FZR1: variants seen among roughly 807,000 people sequenced by gnomAD.
FZR1 encodes the protein fizzy-related protein homolog.
A neutral mutation model predicts 63.6 loss-of-function variants in FZR1; 11 were observed. The observed-to-expected ratio is 0.17, with a 90% CI of 0.11 to 0.29. FZR1 has a LOEUF of 0.29. Ranked by LOEUF, FZR1 falls within the 10% of genes least tolerant of loss-of-function variation. The probability of loss-of-function intolerance (pLI) is 1.00; values close to 1 mark genes in which losing one functional copy is unlikely to be tolerated. For missense variants in FZR1, 440 were observed against 687.5 expected (o/e 0.64, Z 4.03); for synonymous variants, 328 against 297.9 (o/e 1.10, Z -1.04).
rs1177883058 is a variant in FZR1, at chr19:3,532,014, G to A, written c.927G>A (p.Leu309=). 3 of 1,557,064 alleles carry A rather than the reference G, an allele frequency of 1.9e-6. No homozygotes were observed. Among genetic ancestry groups the A allele is most frequent in the South Asian group, 2.3e-5 (2 of 85,514 alleles). The stretch of plus-strand genomic sequence containing the variant: ...CGCCACTGCAGTCGGAGCGGCGGCT[G>A]CAGGGCCACCGGCAGGAGGTGTGCG... ...RTPPLQSERR[L]QGHRQEVCGL... is the part of the protein sequence containing the mutation. Residue 309 remains leucine (L), a synonymous_variant, in exon 10 of 14, where the codon CTG becomes CTA. Transcript: ENST00000441788.
intron 1 of FZR1, among the ~76,000 whole-genome samples, chr19:3,513,404 G>A (rs758857324): frequency 5.9e-5 from 9 of 152,132 alleles, no homozygotes; most frequent in African/African-American, 1.2e-4. Context: ...AGGACACTTC[G>A]CCTCCTGGGG....
intron 1 of FZR1, among the ~76,000 whole-genome samples, chr19:3,511,247 C>T (rs1358158765): frequency 6.6e-6 from 1 of 152,206 alleles, no homozygotes; most frequent in Non-Finnish European, 1.5e-5. Context: ...TGAGCAACCT[C>T]GGGTCTTTTA....
Position 3,516,195 on chromosome 19 carries a change from G to A in FZR1, c.-34-6761G>A, listed in dbSNP as rs534012464. Among the ~76,000 whole-genome samples the A allele has an allele frequency of 6.6e-6, 1 of 152,306 alleles. No homozygotes were observed. Among genetic ancestry groups the A allele is most frequent in the East Asian group, 1.9e-4 (1 of 5,186 alleles). Reference sequence around the variant, plus strand: ...AGTGCGTGTGGCTGTCTCTCCCCACGCCTGGGATGGTGAGGCCGAGTCCCC... The same window carrying A: ...AGTGCGTGTGGCTGTCTCTCCCCACACCTGGGATGGTGAGGCCGAGTCCCC... On this transcript the variant is annotated intron_variant, in intron 1 of 13. Transcript: ENST00000441788. The surrounding 1 kb of genome is among the most constrained non-coding windows in gnomAD (Gnocchi z 6.0).
In FZR1 at chr19:3,514,169, C is replaced by T. The variant is rs2083042379; in HGVS notation, c.-35+7695C>T. Among the ~76,000 whole-genome samples, 1 of 152,172 alleles carries T rather than the reference C, an allele frequency of 6.6e-6. No homozygotes were observed. Among genetic ancestry groups the T allele is most frequent in the Non-Finnish European group, 1.5e-5 (1 of 68,026 alleles). On this transcript the variant is annotated intron_variant, in intron 1 of 13. Transcript: ENST00000441788. The surrounding 1 kb of genome is among the most constrained non-coding windows in gnomAD (Gnocchi z 4.2). ...CACGCTTTGCGTCCCCACTCAGGGA[C>T]ACCTCAAAGTCGAGCCTGGAGACAA...
chr19:3,510,648 C>A (rs999365537), intron 1 of FZR1, among the ~76,000 whole-genome samples: 3 of 152,176 alleles, frequency 2.0e-5, no homozygotes, highest in Non-Finnish European at 4.4e-5. Flanking sequence ...CTGCTTTCAC[C>A]GGAGGGCTGA....
In FZR1 at chr19:3,524,118, C is replaced by T. The variant is rs533334153; in HGVS notation, c.69+1060C>T. Reference sequence around the variant, plus strand: ...AGAGAGAGAGGCATAAATACAGGGGCATCTGTGTGCACAGAGAGGATCTGG... The same window carrying T: ...AGAGAGAGAGGCATAAATACAGGGGTATCTGTGTGCACAGAGAGGATCTGG... On this transcript the variant is annotated intron_variant, in intron 2 of 13. Transcript: ENST00000441788. 8.5e-5 allele frequency among the ~76,000 whole-genome samples: 13 copies of T among 152,320 alleles called. No individual in the cohort carries two copies. The South Asian group carries it at 2.7e-3, about 32-fold the overall frequency.
In FZR1 at chr19:3,525,356, C is replaced by G. The variant is rs1156648545; in HGVS notation, c.70-512C>G. ...GAGCCTGCCCGTGGGCCTGGCATCTCCCGGAGGCTTCTGGCACAGAAATCC... is the reference window on the plus strand; with the variant it reads ...GAGCCTGCCCGTGGGCCTGGCATCTGCCGGAGGCTTCTGGCACAGAAATCC... On this transcript the variant is annotated intron_variant, in intron 2 of 13. Transcript: ENST00000441788. The surrounding 1 kb of genome is among the most constrained non-coding windows in gnomAD (Gnocchi z 4.2). 6.6e-6 allele frequency among the ~76,000 whole-genome samples: 1 copy of G among 152,146 alleles called. No individual in the cohort carries two copies. The highest frequency in any genetic ancestry group is 1.5e-5 in the Non-Finnish European group (1 of 67,996).
rs73920143 is a variant in FZR1, at chr19:3,530,953, T to G, written c.720+96T>G. On this transcript the variant is annotated intron_variant, in intron 8 of 13. Transcript: ENST00000441788. ...GACCCAGAGGGTCTAGTGCGTGGCC[T>G]GAGGTCGCCTGTGTCCAAGCATAGG... is the stretch of plus-strand genomic sequence containing the variant. 21,061 of 855,146 alleles carry G rather than the reference T, an allele frequency of 0.025. 2,833 individuals are homozygous for G. The African/African-American group carries it at 0.3, about 12-fold the overall frequency. The allele number at this position is 855,146 out of a possible 1,614,324, so 53.0% of individuals were successfully genotyped here.
At chr19:3,529,142 ATGGGAGAGCGGATGGGAGAGCGGT>A (rs1372311729) in intron 7 of FZR1, among the ~76,000 whole-genome samples, 115 of 85,738 alleles carry the variant, frequency 1.3e-3, no homozygotes, top group African/African-American at 4.1e-3. Context: ...GGGAGAGCGG[ATGGGAGAGCGGATGGGAGAGCGGT>A]TGGGAGAGCG....
At chr19:3,528,449 G>A (rs564520865) in intron 7 of FZR1, among the ~76,000 whole-genome samples, 7 of 152,346 alleles carry the variant, frequency 4.6e-5, no homozygotes, top group South Asian at 4.1e-4. Context: ...GTCCTCTCCC[G>A]GCAGCAGGAG....
Position 3,526,971 on chromosome 19 carries a change from G to A in FZR1, c.388-9G>A, listed in dbSNP as rs768054399. The A allele has an allele frequency of 3.0e-5, 48 of 1,605,278 alleles. No individual in the cohort carries two copies. The highest frequency in any genetic ancestry group is 1.6e-4 in the Middle Eastern group (1 of 6,068). On this transcript the variant is annotated splice_polypyrimidine_tract_variant and intron_variant, in intron 5 of 13. Coordinates refer to ENST00000441788, the MANE Select transcript of FZR1 (RefSeq NM_016263.4). The surrounding 1 kb of genome is among the most constrained non-coding windows in gnomAD (Gnocchi z 5.4). ...CGTGCGCTCAGCTGGCATGTCCCCC[G>A]CTCCACAGTATTCCCTTAGCACCAA...
Position 3,519,387 on chromosome 19 carries a change from G to T in FZR1, c.-34-3569G>T, listed in dbSNP as rs540823641. Among the ~76,000 whole-genome samples the T allele has an allele frequency of 2.4e-4, 36 of 152,350 alleles. 1 individual carries two copies. Among genetic ancestry groups the T allele is most frequent in the African/African-American group, 7.5e-4 (31 of 41,586 alleles). ...GGGCTTGTGAAGCCGCCAGTGCTGG[G>T]CGACCTGCATGGAGCCGACGGTGGT... On this transcript the variant is annotated intron_variant, in intron 1 of 13. Transcript: ENST00000441788.
At chr19:3,519,201 C>T (rs1042750710) in intron 1 of FZR1, among the ~76,000 whole-genome samples, 1 of 152,250 alleles carries the variant, frequency 6.6e-6, no homozygotes, top group African/African-American at 2.4e-5. Flanking sequence ...TCCACACCTG[C>T]CACCCTCTGA....
chr19:3,521,613 TG>T (rs1176812880), intron 1 of FZR1, among the ~76,000 whole-genome samples: 1 of 151,668 alleles, frequency 6.6e-6, no homozygotes, highest in African/African-American at 2.4e-5. Flanking sequence ...GCGCTCCTCC[TG>T]CCTCAGCCTC....
rs188350692 is a variant in FZR1, at chr19:3,525,279, C to T, written c.70-589C>T. ...GGCCCCCATTCCTGCCACTCCACCC[C>T]GTCCCGTGGCCCTGCCCTCACCACC... On this transcript the variant is annotated intron_variant, in intron 2 of 13. Transcript: ENST00000441788. This position sits in a 1 kb window ranked among gnomAD's most constrained non-coding sequence, Gnocchi z 4.2. Among the ~76,000 whole-genome samples, 30 of 152,210 alleles carry T rather than the reference C, an allele frequency of 2.0e-4. No homozygotes were observed. Among genetic ancestry groups the T allele is most frequent in the Admixed American group, 9.8e-4 (15 of 15,282 alleles).
chr19:3,532,709 T>C, intron 11 of FZR1, 59 bp downstream of exon 11: 1 of 1,177,926 alleles, frequency 8.5e-7, no homozygotes, highest in East Asian at 2.4e-5. Flanking sequence ...TGCTGGCCCC[T>C]TACCTGCCAC....
At chr19:3,512,858 A>G (rs913587208) in intron 1 of FZR1, among the ~76,000 whole-genome samples, 2 of 152,316 alleles carry the variant, frequency 1.3e-5, no homozygotes, top group East Asian at 1.9e-4. Flanking sequence ...TGCTTCATAA[A>G]TGACACTCCT....
In FZR1 at chr19:3,536,315, CG is replaced by C. The variant is rs1411986760; in HGVS notation, c.*1482del. The C allele has an allele frequency of 6.6e-6, 1 of 152,176 alleles. No homozygotes were observed. The highest frequency in any genetic ancestry group is 1.5e-5 in the Non-Finnish European group (1 of 68,036). 9.4% of individuals were successfully genotyped at this position (152,176 alleles called of 1,614,324 possible). On this transcript the variant is annotated 3_prime_UTR_variant, in exon 14 of 14. Coordinates refer to ENST00000441788, the MANE Select transcript of FZR1 (RefSeq NM_016263.4). ...GGTTTTAAAGCCCCGTCATTTCAAG[CG>C]GGTCGATCTTCCACATTCACTGGAG...
Position 3,515,502 on chromosome 19 carries a change from C to T in FZR1, c.-34-7454C>T, listed in dbSNP as rs2083052421. On this transcript the variant is annotated intron_variant, in intron 1 of 13. Coordinates refer to ENST00000441788, the MANE Select transcript of FZR1 (RefSeq NM_016263.4). This position sits in a 1 kb window ranked among gnomAD's most constrained non-coding sequence, Gnocchi z 4.6. ...TAGAAGTACAGGCCGGGCGCGGTGG[C>T]TCACGCTTGTAATCCCAGCACTTTG... 6.6e-6 allele frequency among the ~76,000 whole-genome samples: 1 copy of T among 152,142 alleles called. No individual in the cohort carries two copies. The highest frequency in any genetic ancestry group is 2.4e-5 in the African/African-American group (1 of 41,430).
Sources: gnomAD v4.1 joint callset for allele counts (sites outside exome capture counted in the v4.1 genomes callset) on GRCh38, gnomAD v4.1.1 for gene constraint, Gnocchi (gnomAD v3.1) non-coding constraint, MANE v1.5 for transcripts, NCBI Gene and HGNC (gene_info 2026-07-23, HGNC 2026-07-21) for gene names.